The following CELF2 variants were observed in gnomAD, a reference collection of about 807,000 sequenced individuals.
CELF2 encodes CUGBP Elav-like family member 2, also known as CUG triplet repeat RNA-binding protein 2.
A neutral mutation model predicts 62.6 loss-of-function variants in CELF2; 8 were observed. That is an observed-to-expected ratio of 0.13 (90% CI 0.07 to 0.23). The LOEUF is 0.23. CELF2 is among the 10% of genes least tolerant of loss of function. The probability of loss-of-function intolerance (pLI) is 1.00; values close to 1 mark genes in which losing one functional copy is unlikely to be tolerated. For missense variants in CELF2, 333 were observed against 671.0 expected (o/e 0.50, Z 5.56); for synonymous variants, 258 against 250.0 (o/e 1.03, Z -0.30).
chr10:10,579,088 A>G, the CELF2 span, among the ~76,000 whole-genome samples: 1 of 151,322 alleles, frequency 6.6e-6, no homozygotes, highest in East Asian at 1.9e-4. Context: ...CTACACAGGA[A>G]CATGTTTTGT....
At chr10:10,615,178 A>C in the CELF2 span, among the ~76,000 whole-genome samples, 1 of 152,162 alleles carries the variant, frequency 6.6e-6, no homozygotes, top group East Asian at 1.9e-4. Context: ...ATACTGTATC[A>C]AACTAGGGGG....
intron 1 of CELF2, among the ~76,000 whole-genome samples, chr10:11,053,797 G>A (rs912505450): frequency 1.3e-5 from 2 of 151,686 alleles, no homozygotes; most frequent in African/African-American, 2.4e-5. Flanking sequence ...TGTATTTTTA[G>A]TAGAGATGGG....
the CELF2 span, among the ~76,000 whole-genome samples, chr10:10,655,141 A>G: frequency 4.0e-5 from 6 of 149,942 alleles, no homozygotes; most frequent in South Asian, 1.3e-3. Flanking sequence ...AGAATAAAAT[A>G]CTTAGGAATC....
At chr10:10,470,045 T>G in the CELF2 span, among the ~76,000 whole-genome samples, 3 of 151,894 alleles carry the variant, frequency 2.0e-5, no homozygotes, top group African/African-American at 7.2e-5. Context: ...GATTTCAGAT[T>G]TTAAGATTAG....
intron 1 of CELF2, among the ~76,000 whole-genome samples, chr10:11,047,343 G>A (rs2063049625): frequency 6.6e-6 from 1 of 152,176 alleles, no homozygotes. Flanking sequence ...GGTGTTCTGT[G>A]GATGAAAGGG....
In CELF2 at chr10:11,178,266, G is replaced by A. The variant is rs561047722; in HGVS notation, c.271+12584G>A. ...GACATCTGTCTAATGGGAACTGGAC[G>A]GTGACCACCAGTCCGTTTTACACAG... On this transcript the variant is annotated intron_variant, in intron 2 of 12. Transcript: ENST00000633077. The surrounding 1 kb of genome is among the most constrained non-coding windows in gnomAD (Gnocchi z 4.3). Among the ~76,000 whole-genome samples, 40 of 152,336 alleles carry A rather than the reference G, an allele frequency of 2.6e-4. No homozygotes were observed. Among genetic ancestry groups the A allele is most frequent in the Middle Eastern group, 3.4e-3 (1 of 294 alleles).
At chr10:10,861,869 T>G (rs1197623595) in intron 1 of CELF2, among the ~76,000 whole-genome samples, 2 of 152,236 alleles carry the variant, frequency 1.3e-5, no homozygotes, top group Non-Finnish European at 2.9e-5. Context: ...CCCTTGACTT[T>G]CTAACCATTA....
intron 2 of CELF2, among the ~76,000 whole-genome samples, chr10:10,971,589 G>A (rs1036691427): frequency 3.3e-5 from 5 of 149,756 alleles, no homozygotes; most frequent in South Asian, 2.1e-4. Context: ...GTTTGTTTTT[G>A]TTGTTGTTTT....
chr10:10,745,154 A>G, the CELF2 span, among the ~76,000 whole-genome samples: 1 of 151,862 alleles, frequency 6.6e-6, no homozygotes, highest in Non-Finnish European at 1.5e-5. Flanking sequence ...TATGATAAAA[A>G]CTGAAGAGAC....
the CELF2 span, among the ~76,000 whole-genome samples, chr10:10,643,344 GGTGA>G: frequency 6.6e-5 from 10 of 152,194 alleles, no homozygotes; most frequent in East Asian, 9.7e-4. Flanking sequence ...TTCTCTTGGT[GGTGA>G]GTAAGTCTCA....
At chr10:10,655,870 A>T in the CELF2 span, among the ~76,000 whole-genome samples, 7 of 136,038 alleles carry the variant, frequency 5.1e-5, no homozygotes, top group Non-Finnish European at 8.1e-5. Context: ...AAATTGACAA[A>T]TGGGATCTCA....
intron 9 of CELF2, among the ~76,000 whole-genome samples, chr10:11,298,442 A>G (rs1167505425): frequency 6.6e-6 from 1 of 152,242 alleles, no homozygotes; most frequent in Non-Finnish European, 1.5e-5. Context: ...AAGGGTACTT[A>G]TATCACATAT....
chr10:10,867,151 A>C (rs1356850530), intron 1 of CELF2, among the ~76,000 whole-genome samples: 1 of 152,158 alleles, frequency 6.6e-6, no homozygotes, highest in East Asian at 1.9e-4. Context: ...TACTGTCTGC[A>C]TATTTCTGTG....
the CELF2 span, among the ~76,000 whole-genome samples, chr10:10,707,385 A>G: frequency 6.6e-6 from 1 of 152,208 alleles, no homozygotes; most frequent in African/African-American, 2.4e-5. Flanking sequence ...TGTATTTTTA[A>G]TTTGGGGTAG....
the CELF2 span, among the ~76,000 whole-genome samples, chr10:10,637,483 A>T: frequency 6.6e-6 from 1 of 152,148 alleles, no homozygotes; most frequent in African/African-American, 2.4e-5. Context: ...GGCAGGGGAA[A>T]CTTTTCACGT....
rs186449331 is a variant in CELF2 at position 10,997,456 on chromosome 10, C to T, written c.89+77457C>T. 7.8e-4 allele frequency among the ~76,000 whole-genome samples: 119 copies of T among 152,332 alleles called. 2 individuals are homozygous for T. Among genetic ancestry groups the T allele is most frequent in the Non-Finnish European group, 1.5e-3 (100 of 68,036 alleles). On this transcript the variant is annotated intron_variant, in intron 2 of 13. Transcript: ENST00000636488. This position sits in a 1 kb window ranked among gnomAD's most constrained non-coding sequence, Gnocchi z 5.3. Reference sequence around the variant, plus strand: ...CCTTCCAGGAAGGAAGGCTGATGCACTCCACTGTGGTCTTTATTAAGCTTG... The same window carrying T: ...CCTTCCAGGAAGGAAGGCTGATGCATTCCACTGTGGTCTTTATTAAGCTTG...
At chr10:10,514,896 T>C in the CELF2 span, among the ~76,000 whole-genome samples, 8 of 152,282 alleles carry the variant, frequency 5.3e-5, no homozygotes, top group East Asian at 1.4e-3. Context: ...AAATTATTGC[T>C]CCCAGATCAA....
intron 1 of CELF2, among the ~76,000 whole-genome samples, chr10:10,807,568 T>C (rs2055361665): frequency 2.0e-5 from 3 of 152,212 alleles, no homozygotes; most frequent in Admixed American, 1.3e-4. Flanking sequence ...AATTCTGAAT[T>C]CTGAAGAGAT....
the CELF2 span, among the ~76,000 whole-genome samples, chr10:10,549,639 C>T: frequency 6.6e-6 from 1 of 152,162 alleles, no homozygotes; most frequent in Admixed American, 6.6e-5. Flanking sequence ...TGCCTTCTCC[C>T]TATGTCTTGA....
Sources: allele counts gnomAD v4.1 joint callset (sites outside exome capture counted in the v4.1 genomes callset), GRCh38; gene constraint gnomAD v4.1.1; non-coding constraint Gnocchi (gnomAD v3.1); transcripts MANE v1.5; gene names NCBI Gene and HGNC (gene_info 2026-07-23, HGNC 2026-07-21).